The following CSMD3 variants were observed in gnomAD, a reference collection of about 807,000 sequenced individuals.
CSMD3 encodes the protein CUB and sushi domain-containing protein 3.
In CSMD3, 177 loss-of-function variants were observed where a neutral mutation model predicts 435.2. The observed-to-expected ratio is 0.41, with a 90% CI of 0.36 to 0.46. The LOEUF (loss-of-function observed/expected upper bound fraction) is 0.46, where lower values mean the gene tolerates loss of function less well. Ranked by LOEUF, CSMD3 falls within the 20% of genes least tolerant of loss-of-function variation. CSMD3 has a pLI of 0.34. For synonymous variants in CSMD3, 1,656 were observed against 1,520.5 expected (o/e 1.09, Z -2.07); for missense variants, 4,265 against 4,504.6 (o/e 0.95, Z 1.52).
intron 4 of CSMD3, among the ~76,000 whole-genome samples, chr8:113,140,608 A>C (rs1486314542): frequency 2.0e-5 from 3 of 151,352 alleles, no homozygotes; most frequent in Middle Eastern, 3.4e-3. Context: ...CTCAGAGATA[A>C]AAGAAAAATC....
chr8:112,552,543 G>T (rs777858251), intron 26 of CSMD3, 51 bp downstream of exon 26: 1 of 1,568,668 alleles, frequency 6.4e-7, no homozygotes, highest in South Asian at 1.1e-5. Context: ...ATAGGGGTTG[G>T]TTAGGCACTT....
At chr8:112,760,715 T>A (rs1388337688) in intron 13 of CSMD3, among the ~76,000 whole-genome samples, 1 of 152,170 alleles carries the variant, frequency 6.6e-6, no homozygotes, top group Admixed American at 6.5e-5. Flanking sequence ...AAGGTGTTTT[T>A]ACATTTTGGT....
intron 2 of CSMD3, among the ~76,000 whole-genome samples, chr8:113,298,117 T>A (rs116734000): frequency 0.011 from 1,702 of 152,188 alleles, 41 homozygotes; most frequent in African/African-American, 0.039. Context: ...AAAATAAGGT[T>A]AATACTATAA....
intron 6 of CSMD3, among the ~76,000 whole-genome samples, chr8:113,001,775 G>T (rs1338955647): frequency 6.6e-6 from 1 of 152,034 alleles, no homozygotes; most frequent in Non-Finnish European, 1.5e-5. Context: ...ATAAAATGAT[G>T]TTATTCGAGG....
chr8:112,722,406 T>G (rs1044087520), intron 13 of CSMD3, among the ~76,000 whole-genome samples: 3 of 152,210 alleles, frequency 2.0e-5, no homozygotes, highest in Non-Finnish European at 4.4e-5. Flanking sequence ...ATGATATTGA[T>G]ATTGTGGCTA....
chr8:112,640,583 C>T (rs1263410921), intron 20 of CSMD3, among the ~76,000 whole-genome samples: 1 of 149,796 alleles, frequency 6.7e-6, no homozygotes, highest in East Asian at 2.0e-4. Flanking sequence ...TTTCAAAATG[C>T]AAGTTTTGGT....
intron 32 of CSMD3, among the ~76,000 whole-genome samples, chr8:112,438,722 A>T (rs1016833730): frequency 4.6e-5 from 7 of 152,206 alleles, no homozygotes; most frequent in Non-Finnish European, 1.0e-4. Flanking sequence ...GAATCATGTT[A>T]TCCATCTAGA....
intron 9 of CSMD3, among the ~76,000 whole-genome samples, chr8:112,939,889 C>A (rs2083397945): frequency 6.6e-6 from 1 of 151,922 alleles, no homozygotes; most frequent in Admixed American, 6.6e-5. Flanking sequence ...CCATTACATT[C>A]AAGAGAGCTT....
At chr8:112,534,822 T>C (rs1414836164) in intron 27 of CSMD3, among the ~76,000 whole-genome samples, 13 of 151,980 alleles carry the variant, frequency 8.6e-5, no homozygotes, top group African/African-American at 2.7e-4. Flanking sequence ...CATCAAAAAG[T>C]TTATCCACCA....
chr8:113,425,870 G>A (rs779515077), intron 1 of CSMD3, among the ~76,000 whole-genome samples: 2 of 151,458 alleles, frequency 1.3e-5, no homozygotes, highest in Non-Finnish European at 3.0e-5. Context: ...CCGAAAGTTG[G>A]CACACAAATT....
At chr8:112,778,376 G>A (rs146803523) in intron 13 of CSMD3, among the ~76,000 whole-genome samples, 6 of 151,758 alleles carry the variant, frequency 4.0e-5, no homozygotes, top group African/African-American at 1.2e-4. Context: ...AATCTCTCTC[G>A]CTCCCACCTA....
chr8:112,857,098 G>T (rs1804053777), intron 11 of CSMD3, among the ~76,000 whole-genome samples: 1 of 151,726 alleles, frequency 6.6e-6, no homozygotes, highest in East Asian at 1.9e-4. Flanking sequence ...TGGTGTGTGT[G>T]TGTGTGTCTG....
chr8:112,809,994 G>A (rs1012032082), intron 12 of CSMD3, among the ~76,000 whole-genome samples: 4 of 152,076 alleles, frequency 2.6e-5, no homozygotes, highest in Non-Finnish European at 5.9e-5. Flanking sequence ...TGTATACATT[G>A]ACTAATCTCT....
chr8:112,451,065 A>T (rs1816208888), intron 32 of CSMD3, among the ~76,000 whole-genome samples: 1 of 152,202 alleles, frequency 6.6e-6, no homozygotes, highest in African/African-American at 2.4e-5. Flanking sequence ...ATATTATGGA[A>T]CTATTAAAAA....
chr8:112,708,744 A>G (rs2076550644), intron 13 of CSMD3, among the ~76,000 whole-genome samples: 1 of 151,310 alleles, frequency 6.6e-6, no homozygotes, highest in Non-Finnish European at 1.5e-5. Flanking sequence ...ACAAAAAAAA[A>G]TCCAGGGAAC....
At chr8:112,591,990 A>T (rs1586752315) in intron 22 of CSMD3, among the ~76,000 whole-genome samples, 1 of 152,178 alleles carries the variant, frequency 6.6e-6, no homozygotes, top group South Asian at 2.1e-4. Context: ...TGATTGTGAG[A>T]TACACACATA....
chr8:113,364,588 A>G (rs932676457), intron 1 of CSMD3, among the ~76,000 whole-genome samples: 1 of 152,146 alleles, frequency 6.6e-6, no homozygotes, highest in South Asian at 2.1e-4. Flanking sequence ...GATTTAAATG[A>G]ATCTCTAAAC....
At chr8:112,459,233 T>G (rs1421605967) in intron 32 of CSMD3, among the ~76,000 whole-genome samples, 1 of 152,024 alleles carries the variant, frequency 6.6e-6, no homozygotes, top group East Asian at 1.9e-4. Context: ...TTTTCACTCA[T>G]CTCCCTAATC....
chr8:113,324,634 TA>T (rs1342453406), intron 1 of CSMD3, among the ~76,000 whole-genome samples: 2 of 152,082 alleles, frequency 1.3e-5, no homozygotes, highest in Admixed American at 1.3e-4. Flanking sequence ...TCTGTTAGGG[TA>T]GTGCGGATAA....
Sources: gnomAD v4.1 joint callset for allele counts (sites outside exome capture counted in the v4.1 genomes callset) on GRCh38, gnomAD v4.1.1 for gene constraint, MANE v1.5 for transcripts, NCBI Gene and HGNC (gene_info 2026-07-23, HGNC 2026-07-21) for gene names.